LRRC37A2: variants seen among roughly 807,000 people sequenced by gnomAD.
LRRC37A2 encodes the protein leucine rich repeat containing 37 member A2.
Under a neutral mutation model 68.8 loss-of-function variants are expected in LRRC37A2, and 9 were observed. That is an observed-to-expected ratio of 0.13 (90% confidence interval 0.08 to 0.23). The LOEUF is 0.23. LRRC37A2 is among the 10% of genes least tolerant of loss of function. The pLI, the probability that LRRC37A2 is intolerant of heterozygous loss-of-function variation, is 1.00. For missense variants in LRRC37A2, 168 were observed against 950.4 expected (o/e 0.18, Z 10.82); for synonymous variants, 63 against 367.6 (o/e 0.17, Z 9.48).
At chr17:46,896,890 C>G in the LRRC37A2 span, among the ~76,000 whole-genome samples, 1 of 152,092 alleles carries the variant, frequency 6.6e-6, no homozygotes, top group Non-Finnish European at 1.5e-5. Context: ...GGCTGGACAC[C>G]CCCCACCAGA....
At chr17:46,945,262 C>T in the LRRC37A2 span, among the ~76,000 whole-genome samples, 2 of 152,164 alleles carry the variant, frequency 1.3e-5, no homozygotes, top group South Asian at 2.1e-4. Flanking sequence ...CACTGTCCTC[C>T]GTGTTCCAGC....
the LRRC37A2 span, among the ~76,000 whole-genome samples, chr17:46,832,251 C>T: frequency 6.6e-6 from 1 of 152,160 alleles, no homozygotes; most frequent in African/African-American, 2.4e-5. Context: ...AGCCTCCTCT[C>T]TGGGGGCCTT....
the LRRC37A2 span, chr17:46,756,042 G>A: frequency 1.5e-5 from 8 of 527,560 alleles, no homozygotes; most frequent in Non-Finnish European, 2.3e-5. Context: ...TTAGAATGCT[G>A]CGCTTACCTT....
At chr17:46,748,083 A>C in the LRRC37A2 span, among the ~76,000 whole-genome samples, 1 of 152,220 alleles carries the variant, frequency 6.6e-6, no homozygotes, top group Non-Finnish European at 1.5e-5. Flanking sequence ...ATTGTGAGAA[A>C]AAAATTATTT....
the LRRC37A2 span, among the ~76,000 whole-genome samples, chr17:46,945,228 G>A: frequency 7.2e-5 from 11 of 152,322 alleles, no homozygotes; most frequent in Non-Finnish European, 1.3e-4. Context: ...CTGATGTGCT[G>A]TCTTCTGCAC....
chr17:46,774,006 G>A, the LRRC37A2 span: 6 of 1,508,686 alleles, frequency 4.0e-6, no homozygotes, highest in Non-Finnish European at 5.3e-6. Flanking sequence ...GGTAGGTGGA[G>A]AGGCAGAGGG....
the LRRC37A2 span, among the ~76,000 whole-genome samples, chr17:46,712,478 G>C: frequency 6.6e-6 from 1 of 152,184 alleles, no homozygotes; most frequent in Non-Finnish European, 1.5e-5. Flanking sequence ...CCGATAAATG[G>C]TGCTGTTTAC....
the LRRC37A2 span, among the ~76,000 whole-genome samples, chr17:47,003,425 C>T: frequency 2.6e-5 from 4 of 152,228 alleles, no homozygotes. Flanking sequence ...CATCACACAA[C>T]AGGGGGGCAG....
the LRRC37A2 span, among the ~76,000 whole-genome samples, chr17:46,839,992 T>TC: frequency 5.4e-3 from 637 of 117,318 alleles, 1 homozygote; most frequent in East Asian, 0.016. Flanking sequence ...TTTCTTTCTT[T>TC]TTTCTTTCTT....
At chr17:46,762,980 A>C in the LRRC37A2 span, 1 of 152,228 alleles carries the variant, frequency 6.6e-6, no homozygotes, top group Non-Finnish European at 1.5e-5. Flanking sequence ...TTTTCAGTCT[A>C]AGGTGAGATG....
the LRRC37A2 span, among the ~76,000 whole-genome samples, chr17:46,403,792 G>A: frequency 0.096 from 7,112 of 74,352 alleles, 25 homozygotes; most frequent in Middle Eastern, 0.21. Context: ...TCCGCCTCCC[G>A]GGCTCACGCC....
chr17:46,503,166 C>T, the LRRC37A2 span, among the ~76,000 whole-genome samples: 1 of 142,214 alleles, frequency 7.0e-6, no homozygotes, highest in Non-Finnish European at 1.5e-5. Context: ...GAGCCGAGAT[C>T]ATGCCACTGC....
chr17:46,788,411 C>T, the LRRC37A2 span, among the ~76,000 whole-genome samples: 139,451 of 152,196 alleles, frequency 0.92, 65,061 homozygotes, highest in East Asian at 1. Context: ...CACACCAGGA[C>T]TTTGCTGGGT....
the LRRC37A2 span, among the ~76,000 whole-genome samples, chr17:46,729,112 AT>A: frequency 6.6e-6 from 1 of 152,076 alleles, no homozygotes; most frequent in South Asian, 2.1e-4. Flanking sequence ...TATCAACAGA[AT>A]TTTTCCATTC....
chr17:46,977,319 C>T, the LRRC37A2 span, among the ~76,000 whole-genome samples: 15 of 152,232 alleles, frequency 9.9e-5, no homozygotes, highest in Non-Finnish European at 1.5e-4. Flanking sequence ...AGTCTCTCCC[C>T]GACCAAGTCT....
chr17:46,478,715 A>G, the LRRC37A2 span, among the ~76,000 whole-genome samples: 19 of 111,564 alleles, frequency 1.7e-4, 4 homozygotes, highest in South Asian at 4.2e-4. Flanking sequence ...GAGTGAACGC[A>G]TGTCAGATAT....
the LRRC37A2 span, among the ~76,000 whole-genome samples, chr17:46,772,803 C>A: frequency 7.6e-6 from 1 of 131,794 alleles, no homozygotes; most frequent in African/African-American, 2.8e-5. Context: ...TTCACCTGAA[C>A]GTCAGATCCC....
At chr17:47,008,103 T>C in the LRRC37A2 span, among the ~76,000 whole-genome samples, 1 of 151,048 alleles carries the variant, frequency 6.6e-6, no homozygotes, top group African/African-American at 2.4e-5. Context: ...GATGTACAAA[T>C]TTAATTAATT....
At chr17:47,024,866 G>T in the LRRC37A2 span, 1 of 597,514 alleles carries the variant, frequency 1.7e-6, no homozygotes, top group East Asian at 2.9e-5. Context: ...CTGCAATTCT[G>T]TAAGTTTGTA....
Sources: allele counts gnomAD v4.1 joint callset (sites outside exome capture counted in the v4.1 genomes callset), GRCh38; gene constraint gnomAD v4.1.1; transcripts MANE v1.5; gene names NCBI Gene and HGNC (gene_info 2026-07-23, HGNC 2026-07-21).